ZNF608: variants seen among roughly 807,000 people sequenced by gnomAD.
ZNF608 encodes the protein renal carcinoma antigen NY-REN-36.
In ZNF608, 12 loss-of-function variants were observed where a neutral mutation model predicts 109.0. The observed-to-expected ratio is 0.11, with a 90% confidence interval of 0.07 to 0.18. The LOEUF (loss-of-function observed/expected upper bound fraction) is 0.18, where lower values mean the gene tolerates loss of function less well. Among genes scored for constraint, ZNF608 ranks in the 10% least tolerant of loss-of-function variants. The pLI is 1.00. For missense variants in ZNF608, 1,707 were observed against 1,879.3 expected (o/e 0.91, Z 1.70); for synonymous variants, 732 against 717.4 (o/e 1.02, Z -0.33).
chr5:124,644,094 A>G (rs1750380952), intron 6 of ZNF608, 150 bp downstream of exon 6: 7 of 719,916 alleles, frequency 9.7e-6, no homozygotes, highest in Non-Finnish European at 1.5e-5. Context: ...AACTTATATT[A>G]AATCAGTTTT....
chr5:124,736,235 A>G (rs1006774018), intron 2 of ZNF608, among the ~76,000 whole-genome samples: 9 of 152,258 alleles, frequency 5.9e-5, no homozygotes. Flanking sequence ...TCATAAGCCT[A>G]TAATAAAGCA....
At chr5:124,688,214 G>T (rs10478639) in intron 3 of ZNF608, among the ~76,000 whole-genome samples, 25,386 of 151,894 alleles carry the variant, frequency 0.17, 2,224 homozygotes, top group Non-Finnish European at 0.2. Context: ...GAGAAAAAGA[G>T]CTGTAAGAGT....
At chr5:124,642,069 G>A (rs1451337856) in intron 7 of ZNF608, among the ~76,000 whole-genome samples, 2 of 152,086 alleles carry the variant, frequency 1.3e-5, no homozygotes, top group Non-Finnish European at 2.9e-5. Flanking sequence ...AGAAATCCTT[G>A]TACTAAGAAG....
At position 124,644,407 on chromosome 5, in the gene ZNF608, C is replaced by G. The variant is rs775820591; in HGVS notation, c.3960G>C (p.Val1320=). Residue 1320 remains valine (V), a synonymous_variant, in exon 6 of 10, where the codon GTG becomes GTC. Coordinates refer to ENST00000513986, the MANE Select transcript of ZNF608 (RefSeq NM_020747.3). ...KLKNDDRKTP[V]NWKDSRGTRV... The stretch of plus-strand genomic sequence containing the variant: ...TTGTTCCCCGAGAGTCCTTCCAGTT[C>G]ACAGGAGTCTTTCGATCATCATTTT... 6.2e-7 allele frequency: 1 copy of G among 1,614,116 alleles called. No homozygotes were observed. Among genetic ancestry groups the G allele is most frequent in the South Asian group, 1.1e-5 (1 of 91,068 alleles).
chr5:124,746,808 G>T, upstream of ZNF608: 1 of 983,316 alleles, frequency 1.0e-6, no homozygotes, highest in Non-Finnish European at 1.2e-6. Flanking sequence ...AGGAGGGGGG[G>T]AGTAGAGGGA....
intron 7 of ZNF608, among the ~76,000 whole-genome samples, chr5:124,642,498 A>G (rs1254694966): frequency 6.6e-6 from 1 of 152,160 alleles, no homozygotes; most frequent in East Asian, 1.9e-4. Context: ...TGATGTGAAT[A>G]TGAAGGGTCA....
chr5:124,728,623 T>C (rs547924689), intron 2 of ZNF608, among the ~76,000 whole-genome samples: 2 of 152,342 alleles, frequency 1.3e-5, no homozygotes, highest in African/African-American at 4.8e-5. Flanking sequence ...TAGCCATTTT[T>C]AAATGCTGAA....
intron 3 of ZNF608, among the ~76,000 whole-genome samples, chr5:124,652,323 C>G (rs534740941): frequency 6.6e-6 from 1 of 152,312 alleles, no homozygotes; most frequent in East Asian, 1.9e-4. Flanking sequence ...CCATTTTCAA[C>G]CTCAAAGGGC....
At chr5:124,639,105 A>C (rs139262219) in intron 9 of ZNF608, 28 bp downstream of exon 9, 701 of 1,602,674 alleles carry the variant, frequency 4.4e-4, no homozygotes, top group Non-Finnish European at 5.2e-4. Context: ...TCTATCTACA[A>C]CTAATTAAAA....
chr5:124,737,789 T>C (rs1233024262), intron 2 of ZNF608, among the ~76,000 whole-genome samples: 2 of 152,208 alleles, frequency 1.3e-5, no homozygotes, highest in Non-Finnish European at 2.9e-5. Flanking sequence ...GCTCTCAAAA[T>C]AACATTACAA....
chr5:124,740,607 G>A (rs1225298172), intron 2 of ZNF608, among the ~76,000 whole-genome samples: 1 of 151,380 alleles, frequency 6.6e-6, no homozygotes, highest in African/African-American at 2.4e-5. Context: ...GAATTCCCTG[G>A]TGAAGTATAA....
intron 2 of ZNF608, among the ~76,000 whole-genome samples, chr5:124,726,657 T>G (rs556927023): frequency 9.8e-6 from 1 of 102,362 alleles, no homozygotes; most frequent in African/African-American, 4.9e-5. Flanking sequence ...ACAGTAAGAT[T>G]TGTTTAAAAA....
At chr5:124,727,345 C>T (rs997441279) in intron 2 of ZNF608, among the ~76,000 whole-genome samples, 10 of 152,210 alleles carry the variant, frequency 6.6e-5, no homozygotes, top group African/African-American at 2.4e-4. Flanking sequence ...TTTCTGACTT[C>T]TGTCCTTGGG....
chr5:124,748,342 C>G (rs1195524251), upstream of ZNF608, among the ~76,000 whole-genome samples: 1 of 152,222 alleles, frequency 6.6e-6, no homozygotes, highest in Admixed American at 6.5e-5. Context: ...CCCAGTCAAG[C>G]TTAATTTGTG....
At chr5:124,734,508 C>T (rs1397614262) in intron 2 of ZNF608, 1 of 152,218 alleles carries the variant, frequency 6.6e-6, no homozygotes, top group East Asian at 1.9e-4. Context: ...ATTCTCCTAA[C>T]ACTGGCGTAC....
chr5:124,729,911 A>C (rs938506163), intron 2 of ZNF608, among the ~76,000 whole-genome samples: 1 of 152,192 alleles, frequency 6.6e-6, no homozygotes, highest in African/African-American at 2.4e-5. Flanking sequence ...TACCACAGCA[A>C]AACACTCTCT....
intron 2 of ZNF608, among the ~76,000 whole-genome samples, chr5:124,717,045 G>C (rs1753733017): frequency 6.6e-6 from 1 of 152,108 alleles, no homozygotes; most frequent in African/African-American, 2.4e-5. Context: ...TGACACCATT[G>C]CACTCCAGTC....
At chr5:124,641,466 T>C in intron 7 of ZNF608, 61 bp from the exon 8 acceptor site, 2 of 1,514,216 alleles carry the variant, frequency 1.3e-6, no homozygotes, top group Non-Finnish European at 1.8e-6. Flanking sequence ...TTAAGAGTAC[T>C]AAACCACCTT....
In ZNF608 at chr5:124,693,076, G is replaced by A. The variant is rs571415731; in HGVS notation, c.1162+7938C>T. Among the ~76,000 whole-genome samples the A allele has an allele frequency of 9.2e-5, 14 of 152,254 alleles. No individual in the cohort carries two copies. The East Asian group carries it at 1.4e-3, about 15-fold the overall frequency. The stretch of plus-strand genomic sequence containing the variant: ...TAAAAAATGTTCTGAAATGAATTGC[G>A]GTGATGGTGGTACACCTCTGAATAC... On this transcript the variant is annotated intron_variant, in intron 3 of 9. Transcript: ENST00000513986.
Sources: allele counts gnomAD v4.1 joint callset (sites outside exome capture counted in the v4.1 genomes callset), GRCh38; gene constraint gnomAD v4.1.1; transcripts MANE v1.5; gene names NCBI Gene and HGNC (gene_info 2026-07-23, HGNC 2026-07-21).